NALF1: variants seen among roughly 807,000 people sequenced by gnomAD.
NALF1 encodes the protein family with sequence similarity 155 member A.
A neutral mutation model predicts 48.4 loss-of-function variants in NALF1; 3 were observed. The observed-to-expected ratio is 0.06, with a 90% CI of 0.03 to 0.16. The LOEUF is 0.16. NALF1 is among the 10% of genes least tolerant of loss of function. The pLI is 1.00. For synonymous variants in NALF1, 262 were observed against 245.7 expected (o/e 1.07, Z -0.62); for missense variants, 526 against 571.5 (o/e 0.92, Z 0.81).
intron 1 of NALF1, among the ~76,000 whole-genome samples, chr13:107,502,517 A>G (rs1187830469): frequency 1.3e-5 from 2 of 152,176 alleles, no homozygotes; most frequent in African/African-American, 4.8e-5. Context: ...CTCCATGGAA[A>G]CCACCTGTTC....
chr13:107,263,245 A>AACACAC (rs1263028734), intron 1 of NALF1, among the ~76,000 whole-genome samples: 1 of 84,788 alleles, frequency 1.2e-5, no homozygotes, highest in Admixed American at 1.2e-4. Context: ...ACAAAATGCT[A>AACACAC]ACAGACACAC....
chr13:107,633,351 C>A (rs974696860), intron 1 of NALF1, among the ~76,000 whole-genome samples: 8 of 151,942 alleles, frequency 5.3e-5, no homozygotes, highest in Non-Finnish European at 1.0e-4. Flanking sequence ...GAGAAAATCA[C>A]GCATCTCTTC....
At position 107,164,431 on chromosome 13, in the gene NALF1, T is replaced by G. The variant is rs1878618201; in HGVS notation, c.*6066A>C. ...TAATTTTCATAATAAATGTTCCAAT[T>G]TAAACATTTTCATGTTTAAAATTAC... On this transcript the variant is annotated 3_prime_UTR_variant, in exon 3 of 3. Coordinates refer to ENST00000375915, the MANE Select transcript of NALF1 (RefSeq NM_001080396.3). 1 of 152,066 alleles carries G rather than the reference T, an allele frequency of 6.6e-6. No homozygotes were observed. Among genetic ancestry groups the G allele is most frequent in the Admixed American group, 6.6e-5 (1 of 15,262 alleles). 9.4% of individuals were successfully genotyped at this position (152,066 alleles called of 1,614,324 possible).
intron 1 of NALF1, among the ~76,000 whole-genome samples, chr13:107,604,322 T>A (rs1000534362): frequency 2.0e-5 from 3 of 152,212 alleles, no homozygotes; most frequent in Non-Finnish European, 2.9e-5. Flanking sequence ...GTCTTTTTTT[T>A]AAATCTACAT....
At chr13:107,572,875 A>G (rs1314805687) in intron 1 of NALF1, among the ~76,000 whole-genome samples, 2 of 152,030 alleles carry the variant, frequency 1.3e-5, no homozygotes, top group African/African-American at 4.8e-5. Context: ...AAATCATGTC[A>G]CTCTCTTCTT....
intron 1 of NALF1, among the ~76,000 whole-genome samples, chr13:107,776,129 G>A (rs1877723596): frequency 6.6e-6 from 1 of 152,206 alleles, no homozygotes; most frequent in African/African-American, 2.4e-5. Context: ...CACAAACTGA[G>A]CTAAATCTGG....
intron 1 of NALF1, among the ~76,000 whole-genome samples, chr13:107,557,691 T>G (rs558329342): frequency 6.6e-6 from 1 of 152,210 alleles, no homozygotes; most frequent in South Asian, 2.1e-4. Flanking sequence ...AAAGGAACAC[T>G]CAGACCCAGA....
intron 2 of NALF1, among the ~76,000 whole-genome samples, chr13:107,200,507 G>T (rs191114655): frequency 1.0e-3 from 153 of 152,314 alleles, no homozygotes; most frequent in African/African-American, 3.5e-3. Flanking sequence ...CACGATGAAT[G>T]CACAGACTCT....
chr13:107,375,923 T>TACACACACACACACAC (rs373266204), intron 1 of NALF1, among the ~76,000 whole-genome samples: 12 of 149,318 alleles, frequency 8.0e-5, no homozygotes, highest in African/African-American at 2.5e-4. Flanking sequence ...CAACCTGCTA[T>TACACACACACACACAC]ACACACACAC....
chr13:107,174,599 C>G (rs1210145357), intron 2 of NALF1, among the ~76,000 whole-genome samples: 1 of 152,084 alleles, frequency 6.6e-6, no homozygotes, highest in Non-Finnish European at 1.5e-5. Flanking sequence ...TCGTGATCCA[C>G]CCGCCTCGGC....
chr13:107,768,867 A>C (rs921801243), intron 1 of NALF1, among the ~76,000 whole-genome samples: 4 of 152,152 alleles, frequency 2.6e-5, no homozygotes, highest in African/African-American at 9.7e-5. Flanking sequence ...ACCCCATCAA[A>C]AAGTGGGCAA....
chr13:107,847,601 G>A (rs982097416), intron 1 of NALF1, among the ~76,000 whole-genome samples: 16 of 152,220 alleles, frequency 1.1e-4, no homozygotes, highest in Non-Finnish European at 2.2e-4. Flanking sequence ...CTACTTTGGA[G>A]AGGGTCACAG....
At chr13:107,542,901 ATAGTT>A (rs956457787) in intron 1 of NALF1, among the ~76,000 whole-genome samples, 4 of 152,096 alleles carry the variant, frequency 2.6e-5, no homozygotes, top group African/African-American at 9.6e-5. Flanking sequence ...TGGCATCAAA[ATAGTT>A]TATATTTCTT....
chr13:107,738,373 T>C (rs573094960), intron 1 of NALF1, among the ~76,000 whole-genome samples: 1 of 152,306 alleles, frequency 6.6e-6, no homozygotes, highest in South Asian at 2.1e-4. Context: ...CTTAAATCCA[T>C]TGGTCCAATT....
chr13:107,854,353 T>C (rs816990), intron 1 of NALF1, among the ~76,000 whole-genome samples: 5,485 of 152,364 alleles, frequency 0.036, 232 homozygotes, highest in African/African-American at 0.1. Context: ...TCATCTGGAC[T>C]GTGGCATGAG....
chr13:107,254,062 A>AAAAAAAAAAAAATATATATATATATATAT, intron 1 of NALF1, among the ~76,000 whole-genome samples: 9 of 138,674 alleles, frequency 6.5e-5, no homozygotes, highest in African/African-American at 1.9e-4. Context: ...CAAGTACTAA[A>AAAAAAAAAAAAATATATATATATATATAT]ATATATATAT....
intron 1 of NALF1, among the ~76,000 whole-genome samples, chr13:107,310,376 C>T (rs950535543): frequency 6.7e-6 from 1 of 149,478 alleles, no homozygotes; most frequent in African/African-American, 2.5e-5. Flanking sequence ...TGCCACTGCA[C>T]TCCAGCCAGG....
At chr13:107,462,007 TA>T in intron 1 of NALF1, among the ~76,000 whole-genome samples, 1 of 152,306 alleles carries the variant, frequency 6.6e-6, no homozygotes, top group East Asian at 1.9e-4. Flanking sequence ...GGTAGTCCCT[TA>T]TTTACCCGTT....
intron 1 of NALF1, among the ~76,000 whole-genome samples, chr13:107,525,809 C>A (rs907931521): frequency 2.6e-5 from 4 of 152,020 alleles, no homozygotes; most frequent in African/African-American, 4.8e-5. Context: ...ATTTAAGTGT[C>A]TGTATTATAA....
Sources: gnomAD v4.1 joint callset for allele counts (sites outside exome capture counted in the v4.1 genomes callset) on GRCh38, gnomAD v4.1.1 for gene constraint, MANE v1.5 for transcripts, NCBI Gene and HGNC (gene_info 2026-07-23, HGNC 2026-07-21) for gene names.